ERBB4: variants seen among roughly 807,000 people sequenced by gnomAD.
ERBB4 encodes erb-b2 receptor tyrosine kinase 4, also known as receptor tyrosine-protein kinase erbB-4.
ERBB4 carries 42 observed loss-of-function variants against 158.0 expected under a neutral mutation model. The observed-to-expected ratio is 0.27, with a 90% confidence interval of 0.21 to 0.34. ERBB4 has a LOEUF of 0.34. Ranked by LOEUF, ERBB4 falls within the 10% of genes least tolerant of loss-of-function variation. ERBB4 has a pLI of 1.00. For missense variants in ERBB4, 1,333 were observed against 1,624.1 expected, an observed-to-expected ratio of 0.82 and a Z score of 3.08; for synonymous variants, 583 against 558.7, an observed-to-expected ratio of 1.04 and a Z score of -0.61.
rs557399995 is a variant in ERBB4 at position 211,532,452 on chromosome 2, A to T, written c.2487+29451T>A. Among the ~76,000 whole-genome samples the T allele has an allele frequency of 7.5e-4, 114 of 152,208 alleles. 1 individual carries two copies. The highest frequency in any genetic ancestry group is 2.7e-3 in the African/African-American group (113 of 41,570). On this transcript the variant is annotated intron_variant, in intron 20 of 27. Transcript: ENST00000342788. ...CAAAAATAAATATAAAAAATTAACT[A>T]AAAAAGAGCACTGAACTTTATAATT...
chr2:212,130,429 C>A (rs962040433), intron 1 of ERBB4, among the ~76,000 whole-genome samples: 2 of 152,016 alleles, frequency 1.3e-5, no homozygotes, highest in Admixed American at 6.6e-5. Flanking sequence ...ATATAATCCT[C>A]ATTCAGTAAA....
intron 1 of ERBB4, among the ~76,000 whole-genome samples, chr2:212,397,229 C>T (rs1295219071): frequency 6.6e-6 from 1 of 152,110 alleles, no homozygotes; most frequent in South Asian, 2.1e-4. Flanking sequence ...AATCTCAGCA[C>T]TTTGAGAGAC....
chr2:212,112,471 C>A (rs988967374), intron 2 of ERBB4, among the ~76,000 whole-genome samples: 1 of 151,808 alleles, frequency 6.6e-6, no homozygotes, highest in African/African-American at 2.4e-5. Context: ...GAAAACCTCC[C>A]TTCCTTGTAC....
At chr2:212,025,577 T>G in intron 2 of ERBB4, among the ~76,000 whole-genome samples, 1 of 151,914 alleles carries the variant, frequency 6.6e-6, no homozygotes, top group Non-Finnish European at 1.5e-5. Flanking sequence ...ATTGCTTCCT[T>G]TTATCCCTGA....
intron 25 of ERBB4, among the ~76,000 whole-genome samples, chr2:211,408,474 C>T (rs1042382949): frequency 3.3e-5 from 5 of 152,144 alleles, no homozygotes; most frequent in African/African-American, 1.2e-4. Flanking sequence ...AAAGGCTTCT[C>T]GTGCCAGCTG....
intron 2 of ERBB4, among the ~76,000 whole-genome samples, chr2:212,114,769 T>G (rs2079522973): frequency 6.6e-6 from 1 of 152,198 alleles, no homozygotes; most frequent in African/African-American, 2.4e-5. Context: ...AGTGTTTGAC[T>G]TGCAATTTTA....
intron 1 of ERBB4, among the ~76,000 whole-genome samples, chr2:212,168,347 C>T (rs555806019): frequency 1.8e-4 from 27 of 152,048 alleles, no homozygotes; most frequent in Non-Finnish European, 3.2e-4. Flanking sequence ...GAAATGAATG[C>T]CAATTTGTTT....
intron 19 of ERBB4, among the ~76,000 whole-genome samples, chr2:211,603,902 G>A (rs1461883176): frequency 5.3e-5 from 8 of 152,182 alleles, no homozygotes; most frequent in Admixed American, 5.2e-4. Context: ...AGGCATAGCT[G>A]TATTCCTGCT....
intron 2 of ERBB4, among the ~76,000 whole-genome samples, chr2:212,054,423 T>A (rs1219533281): frequency 6.6e-6 from 1 of 151,950 alleles, no homozygotes; most frequent in Non-Finnish European, 1.5e-5. Flanking sequence ...AGGAGAAGAA[T>A]GCTTAAGAAC....
At chr2:211,810,356 T>G (rs2076721186) in intron 3 of ERBB4, among the ~76,000 whole-genome samples, 2 of 152,202 alleles carry the variant, frequency 1.3e-5, no homozygotes, top group Non-Finnish European at 2.9e-5. Context: ...AGGACTTGCT[T>G]TATGAATCTG....
intron 2 of ERBB4, among the ~76,000 whole-genome samples, chr2:211,976,393 T>C (rs921321202): frequency 2.0e-5 from 3 of 152,174 alleles, no homozygotes; most frequent in African/African-American, 7.2e-5. Flanking sequence ...ATTCACAGAA[T>C]TGAAAATATT....
intron 23 of ERBB4, 119 bp from the exon 24 acceptor site, chr2:211,422,223 A>T: frequency 1.4e-6 from 1 of 696,090 alleles, no homozygotes; most frequent in South Asian, 1.5e-5. Context: ...TAATGATCTG[A>T]GAAAGAAAGC....
At chr2:211,666,201 G>A (rs867344287) in intron 14 of ERBB4, among the ~76,000 whole-genome samples, 2 of 152,004 alleles carry the variant, frequency 1.3e-5, no homozygotes, top group African/African-American at 4.8e-5. Flanking sequence ...TATTTATAGG[G>A]ATTTTAGTAA....
chr2:211,400,642 G>C lies in ERBB4; in HGVS notation c.3136-12650C>G, dbSNP rs2371264. On this transcript the variant is annotated intron_variant, in intron 25 of 27. Transcript: ENST00000342788. ...CAGAGGCTGGGAATGGTAGTCAAGG[G>C]GAGAGTAAGAGGAAGTGGGGATGGT... Among the ~76,000 whole-genome samples, 838 of 151,608 alleles carry C rather than the reference G, an allele frequency of 5.5e-3. 11 individuals are homozygous for C. The highest frequency in any genetic ancestry group is 0.022 in the South Asian group (104 of 4,796).
intron 1 of ERBB4, among the ~76,000 whole-genome samples, chr2:212,135,771 T>C (rs2080252397): frequency 6.6e-6 from 1 of 152,222 alleles, no homozygotes; most frequent in Non-Finnish European, 1.5e-5. Flanking sequence ...TTTCATTTCC[T>C]GTGAAAGTGC....
intron 2 of ERBB4, among the ~76,000 whole-genome samples, chr2:211,990,834 C>T (rs1395687060): frequency 1.3e-5 from 2 of 151,672 alleles, no homozygotes; most frequent in African/African-American, 4.8e-5. Flanking sequence ...AACAGGAGTG[C>T]CAGATTAGAT....
chr2:212,445,237 G>C (rs1426776138), intron 1 of ERBB4, among the ~76,000 whole-genome samples: 1 of 152,104 alleles, frequency 6.6e-6, no homozygotes, highest in Admixed American at 6.6e-5. Context: ...TGTATGATCT[G>C]AATCAGCATC....
chr2:212,490,300 G>A (rs1422983332), intron 1 of ERBB4, among the ~76,000 whole-genome samples: 3 of 151,688 alleles, frequency 2.0e-5, no homozygotes, highest in South Asian at 2.1e-4. Flanking sequence ...TGCACATAGC[G>A]AACTGTCAAA....
At chr2:212,351,849 T>C (rs1393623273) in intron 1 of ERBB4, among the ~76,000 whole-genome samples, 1 of 152,142 alleles carries the variant, frequency 6.6e-6, no homozygotes, top group Non-Finnish European at 1.5e-5. Context: ...CTCACATAAA[T>C]GAATTAGCAC....
Sources: gnomAD v4.1 joint callset for allele counts (sites outside exome capture counted in the v4.1 genomes callset) on GRCh38, gnomAD v4.1.1 for gene constraint, MANE v1.5 for transcripts, NCBI Gene and HGNC (gene_info 2026-07-23, HGNC 2026-07-21) for gene names.